Variants in ROBO2 observed in about 807,000 individuals in gnomAD.
ROBO2 encodes roundabout guidance receptor 2.
Under a neutral mutation model 160.8 loss-of-function variants are expected in ROBO2, and 53 were observed. That is an observed-to-expected ratio of 0.33 (90% CI 0.26 to 0.41). ROBO2 has a LOEUF of 0.41. Among genes scored for constraint, ROBO2 ranks in the 10% least tolerant of loss-of-function variants. ROBO2 has a pLI of 1.00. For synonymous variants in ROBO2, 664 were observed against 611.7 expected, an observed-to-expected ratio of 1.09 and a Z score of -1.26; for missense variants, 1,577 against 1,722.4, an observed-to-expected ratio of 0.92 and a Z score of 1.49.
intron 2 of ROBO2, among the ~76,000 whole-genome samples, chr3:77,004,056 A>G (rs368670025): frequency 2.0e-5 from 3 of 152,228 alleles, no homozygotes; most frequent in African/African-American, 7.2e-5. Context: ...TCAGGTGATA[A>G]ATCATCAGTT....
At chr3:77,499,970 T>C (rs2087344934) in intron 5 of ROBO2, among the ~76,000 whole-genome samples, 1 of 152,112 alleles carries the variant, frequency 6.6e-6, no homozygotes, top group African/African-American at 2.4e-5. Context: ...TATAGATTCA[T>C]TTATAAATGT....
intron 2 of ROBO2, among the ~76,000 whole-genome samples, chr3:77,226,566 A>G (rs1049696031): frequency 5.3e-5 from 8 of 152,224 alleles, no homozygotes; most frequent in Middle Eastern, 3.4e-3. Context: ...GCCTTCTTAT[A>G]TCATCTCAAT....
At chr3:77,399,843 C>T (rs2075632194) in intron 2 of ROBO2, among the ~76,000 whole-genome samples, 5 of 152,090 alleles carry the variant, frequency 3.3e-5, no homozygotes, top group Admixed American at 3.3e-4. Flanking sequence ...AAAACTGAGG[C>T]CCCAGAAACC....
intron 21 of ROBO2, among the ~76,000 whole-genome samples, chr3:77,615,174 G>A (rs1428218916): frequency 1.3e-5 from 2 of 152,064 alleles, no homozygotes; most frequent in South Asian, 2.1e-4. Flanking sequence ...AATAAATTAA[G>A]AGTTTTTTTT....
At chr3:76,611,633 GATTTT>G (rs2088135740) in intron 2 of ROBO2, among the ~76,000 whole-genome samples, 2 of 152,210 alleles carry the variant, frequency 1.3e-5, no homozygotes, top group East Asian at 1.9e-4. Context: ...TTTCATCTCT[GATTTT>G]ATTTATTGAG....
At chr3:77,481,024 A>G in intron 3 of ROBO2, 75 bp from the exon 4 acceptor site, 1 of 1,309,256 alleles carries the variant, frequency 7.6e-7, no homozygotes, top group South Asian at 1.2e-5. Flanking sequence ...ACTCAAAACT[A>G]TTTATTAATG....
chr3:76,279,889 G>T (rs1487816520), intron 2 of ROBO2, among the ~76,000 whole-genome samples: 1 of 151,948 alleles, frequency 6.6e-6, no homozygotes, highest in Non-Finnish European at 1.5e-5. Context: ...GGATTGATTT[G>T]GTAAGATTTG....
chr3:77,288,542 C>G (rs1250907092), intron 2 of ROBO2, among the ~76,000 whole-genome samples: 1 of 152,148 alleles, frequency 6.6e-6, no homozygotes, highest in African/African-American at 2.4e-5. Context: ...AATTAACATG[C>G]CTGTTGTGCT....
At chr3:76,719,595 A>C (rs264542) in intron 2 of ROBO2, among the ~76,000 whole-genome samples, 13,101 of 152,262 alleles carry the variant, frequency 0.086, 719 homozygotes, top group African/African-American at 0.14. Flanking sequence ...TAAGAAATTT[A>C]CAATAAGGCC....
At chr3:76,660,797 AT>A (rs2091782636) in intron 2 of ROBO2, among the ~76,000 whole-genome samples, 1 of 152,180 alleles carries the variant, frequency 6.6e-6, no homozygotes, top group Non-Finnish European at 1.5e-5. Context: ...CATCAAAGCT[AT>A]TTTGACAATT....
At chr3:76,957,830 CAA>C (rs11298062) in intron 2 of ROBO2, among the ~76,000 whole-genome samples, 55 of 125,880 alleles carry the variant, frequency 4.4e-4, no homozygotes, top group Admixed American at 6.8e-4. Flanking sequence ...GACTCTGTCT[CAA>C]AAAAAAAAAA....
At chr3:77,322,752 TATATA>T (rs967770072) in intron 2 of ROBO2, among the ~76,000 whole-genome samples, 6 of 139,664 alleles carry the variant, frequency 4.3e-5, no homozygotes, top group East Asian at 2.0e-4. Context: ...TGTTTATTTA[TATATA>T]ATATATTATA....
chr3:76,056,530 T>C (rs1225527173), intron 2 of ROBO2, among the ~76,000 whole-genome samples: 1 of 152,018 alleles, frequency 6.6e-6, no homozygotes, highest in African/African-American at 2.4e-5. Context: ...CATTCACTTT[T>C]AAAATACTGA....
chr3:75,931,001 CT>C (rs1576185765), intron 1 of ROBO2, among the ~76,000 whole-genome samples: 1 of 152,216 alleles, frequency 6.6e-6, no homozygotes, highest in East Asian at 1.9e-4. Context: ...AACTCTCCCG[CT>C]TTTCTGGTGT....
intron 2 of ROBO2, among the ~76,000 whole-genome samples, chr3:76,711,857 C>A (rs929983684): frequency 5.3e-5 from 8 of 152,160 alleles, no homozygotes; most frequent in Non-Finnish European, 1.0e-4. Context: ...CTGGGAGCCA[C>A]GTTTTATGAC....
chr3:77,633,280 A>T (rs1210981801), intron 23 of ROBO2: 1 of 152,226 alleles, frequency 6.6e-6, no homozygotes, highest in African/African-American at 2.4e-5. Flanking sequence ...ATTTCTCTTT[A>T]GAATAATTTA....
chr3:76,049,080 G>A (rs1016148765), intron 2 of ROBO2, among the ~76,000 whole-genome samples: 1 of 152,074 alleles, frequency 6.6e-6, no homozygotes, highest in Non-Finnish European at 1.5e-5. Flanking sequence ...CATCTCTTTG[G>A]GGGAGAGAGT....
intron 2 of ROBO2, among the ~76,000 whole-genome samples, chr3:76,446,539 A>T (rs1288009326): frequency 6.6e-6 from 1 of 152,124 alleles, no homozygotes; most frequent in African/African-American, 2.4e-5. Context: ...GGAAAAAACT[A>T]CTTTAAAGTT....
At chr3:75,972,462 G>A (rs2065024570) in intron 2 of ROBO2, among the ~76,000 whole-genome samples, 2 of 151,612 alleles carry the variant, frequency 1.3e-5, no homozygotes, top group South Asian at 4.1e-4. Context: ...ACAAATTCTG[G>A]AAAATGGATG....
Sources: allele counts gnomAD v4.1 joint callset (sites outside exome capture counted in the v4.1 genomes callset), GRCh38; gene constraint gnomAD v4.1.1; transcripts MANE v1.5; gene names NCBI Gene and HGNC (gene_info 2026-07-23, HGNC 2026-07-21).